TMEM135: variants seen among roughly 807,000 people sequenced by gnomAD.
TMEM135 encodes the protein transmembrane protein 135, also known as peroxisomal membrane protein 52.
A neutral mutation model predicts 60.3 loss-of-function variants in TMEM135; 30 were observed. The observed-to-expected ratio is 0.50, with a 90% CI of 0.37 to 0.68. The LOEUF is 0.68. Among genes scored for constraint, TMEM135 ranks in the 30% least tolerant of loss-of-function variants. The probability of loss-of-function intolerance (pLI) is 0.00; values close to 1 mark genes in which losing one functional copy is unlikely to be tolerated. For synonymous variants in TMEM135, 190 were observed against 186.7 expected (o/e 1.02, Z -0.14); for missense variants, 468 against 548.8 (o/e 0.85, Z 1.47).
chr11:87,096,095 G>A (rs1166610364), intron 4 of TMEM135: 2 of 198,846 alleles, frequency 1.0e-5, no homozygotes, highest in African/African-American at 4.1e-5. Flanking sequence ...AGCACCACAT[G>A]GTGTCTCCTT....
intron 6 of TMEM135, among the ~76,000 whole-genome samples, chr11:87,287,554 A>G (rs1252911515): frequency 2.0e-5 from 3 of 152,100 alleles, no homozygotes; most frequent in Admixed American, 1.3e-4. Flanking sequence ...GCAGGTGCCT[A>G]TAATCCCAGC....
intron 5 of TMEM135, among the ~76,000 whole-genome samples, chr11:87,162,827 A>G (rs1022628375): frequency 2.0e-5 from 3 of 152,244 alleles, no homozygotes; most frequent in Admixed American, 1.3e-4. Flanking sequence ...ACTAATTTAC[A>G]CTTCCACCAA....
In TMEM135 at chr11:87,324,641, G is replaced by C. The variant is rs1165906821; in HGVS notation, c.*3308G>C. The stretch of plus-strand genomic sequence containing the variant: ...AAACAAGGTGTTGCTATGTTGTCCA[G>C]GCTGGTCTTAAACTCCTGGCCTCAA... On this transcript the variant is annotated 3_prime_UTR_variant, in exon 15 of 15. Transcript: ENST00000305494. 1 of 448,778 alleles carries C rather than the reference G, an allele frequency of 2.2e-6. No individual in the cohort carries two copies. The highest frequency in any genetic ancestry group is 2.4e-5 in the Admixed American group (1 of 41,574). The allele number at this position is 448,778 out of a possible 1,614,324, so 27.8% of individuals were successfully genotyped here. A position where few individuals can be genotyped will look rare whatever the true frequency, so the allele number is the denominator to read the frequency against.
At chr11:87,103,994 C>A (rs2445546) in intron 4 of TMEM135, among the ~76,000 whole-genome samples, 61,014 of 151,342 alleles carry the variant, frequency 0.4, 13,336 homozygotes, top group East Asian at 0.65. Context: ...GTTCATACCC[C>A]CAAAAAAATT....
In TMEM135 at chr11:87,051,082, A is replaced by C. The variant is rs1252267433; in HGVS notation, c.141+12896A>C. On this transcript the variant is annotated intron_variant, in intron 1 of 14. Transcript: ENST00000305494. The stretch of plus-strand genomic sequence containing the variant: ...ACAAAAACCACATGATTATCTCAAT[A>C]GATGCAGAAAAAACCTTTGACAAAA... 1.8e-4 allele frequency among the ~76,000 whole-genome samples: 16 copies of C among 91,302 alleles called. 2 individuals carry two copies. Among genetic ancestry groups the C allele is most frequent in the African/African-American group, 5.0e-4 (8 of 15,990 alleles). The allele number at this position is 91,302 out of a possible 152,430, so 59.9% of individuals were successfully genotyped here.
At chr11:87,098,539 A>G (rs1364546196) in intron 4 of TMEM135, among the ~76,000 whole-genome samples, 6 of 152,172 alleles carry the variant, frequency 3.9e-5, no homozygotes, top group African/African-American at 1.4e-4. Flanking sequence ...ATCAGAATCC[A>G]GAAAAATAAA....
chr11:87,301,672 A>G (rs1045170077), intron 7 of TMEM135, among the ~76,000 whole-genome samples: 6 of 152,184 alleles, frequency 3.9e-5, no homozygotes, highest in Admixed American at 1.3e-4. Flanking sequence ...TATAAGGGCA[A>G]TGACTCTTAC....
chr11:87,141,235 T>G (rs1427803989), intron 4 of TMEM135, among the ~76,000 whole-genome samples: 2 of 152,152 alleles, frequency 1.3e-5, no homozygotes, highest in African/African-American at 4.8e-5. Context: ...ATTTCTGCAC[T>G]TTCTTAGGTT....
chr11:87,047,363 G>A (rs1177120392), intron 1 of TMEM135, among the ~76,000 whole-genome samples: 1 of 151,888 alleles, frequency 6.6e-6, no homozygotes, highest in Non-Finnish European at 1.5e-5. Context: ...CAGCGTGAGC[G>A]ACGCAGAAGA....
chr11:87,149,240 CTG>C (rs1354842790), intron 4 of TMEM135, among the ~76,000 whole-genome samples: 2 of 152,294 alleles, frequency 1.3e-5, no homozygotes, highest in East Asian at 3.9e-4. Context: ...AATGCCATAA[CTG>C]TGTGGATTTG....
chr11:87,283,189 C>A (rs1180754352), intron 6 of TMEM135, among the ~76,000 whole-genome samples: 1 of 151,742 alleles, frequency 6.6e-6, no homozygotes, highest in Non-Finnish European at 1.5e-5. Flanking sequence ...ACAAAATTAG[C>A]CAGGTGTGGT....
chr11:87,060,061 G>A (rs1271760726), intron 1 of TMEM135, among the ~76,000 whole-genome samples: 1 of 152,056 alleles, frequency 6.6e-6, no homozygotes, highest in Non-Finnish European at 1.5e-5. Flanking sequence ...TGCTGTGGGC[G>A]GAGATCGCGC....
intron 3 of TMEM135, among the ~76,000 whole-genome samples, chr11:87,087,982 C>T (rs1324437656): frequency 6.6e-6 from 1 of 152,138 alleles, no homozygotes; most frequent in East Asian, 1.9e-4. Context: ...AGGTGATCCG[C>T]CCTCCTTGGC....
intron 4 of TMEM135, among the ~76,000 whole-genome samples, chr11:87,130,617 A>G (rs1236617941): frequency 1.3e-5 from 2 of 152,084 alleles, no homozygotes; most frequent in African/African-American, 4.8e-5. Flanking sequence ...TCTTGGAACT[A>G]TAGTATGGGA....
intron 5 of TMEM135, 21 bp downstream of exon 5, chr11:87,157,427 T>C (rs751172999): frequency 2.5e-6 from 4 of 1,592,546 alleles, no homozygotes; most frequent in Admixed American, 1.7e-5. Flanking sequence ...AATTTTGATA[T>C]AGTTATTAGT....
chr11:87,057,885 G>A (rs1263996734), intron 1 of TMEM135, among the ~76,000 whole-genome samples: 1 of 152,004 alleles, frequency 6.6e-6, no homozygotes, highest in Non-Finnish European at 1.5e-5. Flanking sequence ...AAGATCTGCA[G>A]TTGGCATGCT....
At chr11:87,237,851 A>G (rs957833560) in intron 6 of TMEM135, among the ~76,000 whole-genome samples, 1 of 150,672 alleles carries the variant, frequency 6.6e-6, no homozygotes, top group African/African-American at 2.4e-5. Flanking sequence ...CCATCATTCT[A>G]CTCTCTATGT....
In TMEM135 at chr11:87,322,363, C is replaced by T. The variant is rs1385397607; in HGVS notation, c.*1030C>T. 4.4e-6 allele frequency: 2 copies of T among 453,966 alleles called. No homozygotes were observed. The highest frequency in any genetic ancestry group is 4.7e-5 in the Admixed American group (2 of 42,550). The allele number at this position is 453,966 out of a possible 1,614,324, so 28.1% of individuals were successfully genotyped here. Reference sequence around the variant, plus strand: ...GGTTGTTTAAAAAGTCCATTTGTCACTAATTCCATTCAGGTTCTCCAACCT... The same window carrying T: ...GGTTGTTTAAAAAGTCCATTTGTCATTAATTCCATTCAGGTTCTCCAACCT... On this transcript the variant is annotated 3_prime_UTR_variant, in exon 15 of 15. Coordinates refer to ENST00000305494, the MANE Select transcript of TMEM135 (RefSeq NM_022918.4).
intron 4 of TMEM135, chr11:87,096,156 C>A: frequency 3.3e-6 from 1 of 298,666 alleles, no homozygotes; most frequent in Non-Finnish European, 6.5e-6. Context: ...TGAAACAGGA[C>A]TACTACTTGG....
Sources: allele counts gnomAD v4.1 joint callset (sites outside exome capture counted in the v4.1 genomes callset), GRCh38; gene constraint gnomAD v4.1.1; transcripts MANE v1.5; gene names NCBI Gene and HGNC (gene_info 2026-07-23, HGNC 2026-07-21).